SH3TC1: variants seen among roughly 807,000 people sequenced by gnomAD.
The protein encoded by SH3TC1 is SH3 domain and tetratricopeptide repeats 1.
Under a neutral mutation model 117.3 loss-of-function variants are expected in SH3TC1, and 135 were observed. That is an observed-to-expected ratio of 1.15 (90% CI 1.00 to 1.33). The LOEUF (loss-of-function observed/expected upper bound fraction) is 1.33, where lower values mean the gene tolerates loss of function less well. Ranked by LOEUF, SH3TC1 falls within the 40% of genes most tolerant of loss-of-function variation. The pLI, the probability that SH3TC1 is intolerant of heterozygous loss-of-function variation, is 0.00. For synonymous variants in SH3TC1, 898 were observed against 816.9 expected, an observed-to-expected ratio of 1.10 and a Z score of -1.69; for missense variants, 2,092 against 1,794.3, an observed-to-expected ratio of 1.17 and a Z score of -3.00.
intron 14 of SH3TC1, among the ~76,000 whole-genome samples, chr4:8,234,501 ATCCAT>A (rs752359495): frequency 7.7e-4 from 115 of 149,142 alleles, no homozygotes; most frequent in Admixed American, 2.8e-3. Flanking sequence ...CCACCCATCC[ATCCAT>A]TCATCTGTCC....
chr4:8,219,243 C>T (rs933021686), intron 8 of SH3TC1, 92 bp from the exon 9 acceptor site: 5 of 1,289,260 alleles, frequency 3.9e-6, no homozygotes, highest in Non-Finnish European at 4.2e-6. Flanking sequence ...GATGAATTCC[C>T]CATGGTTCAG....
intron 15 of SH3TC1, 103 bp downstream of exon 15, chr4:8,235,658 C>G (rs536472060): frequency 7.1e-7 from 1 of 1,410,430 alleles, no homozygotes; most frequent in African/African-American, 1.4e-5. Flanking sequence ...GGAGGCAGGG[C>G]CGCCCATGCA....
At chr4:8,232,676 G>A (rs1560112073) in intron 13 of SH3TC1, 7 of 1,291,546 alleles carry the variant, frequency 5.4e-6, no homozygotes, top group Non-Finnish European at 7.1e-6. Context: ...ACCTGGTGGG[G>A]TAACCATGGC....
At chr4:8,233,900 CCATCCATCCATCATT>C (rs1721505060) in intron 14 of SH3TC1, among the ~76,000 whole-genome samples, 1 of 150,904 alleles carries the variant, frequency 6.6e-6, no homozygotes. Context: ...CATCCATCAT[CCATCCATCCATCATT>C]CATCCACTCT....
At chr4:8,221,099 T>A (rs1004216529) in intron 9 of SH3TC1, among the ~76,000 whole-genome samples, 1 of 152,242 alleles carries the variant, frequency 6.6e-6, no homozygotes, top group Non-Finnish European at 1.5e-5. Flanking sequence ...ACAACCCTGT[T>A]TGCTTTTGGC....
At chr4:8,200,606 C>T (rs1349328503) in intron 1 of SH3TC1, among the ~76,000 whole-genome samples, 2 of 152,208 alleles carry the variant, frequency 1.3e-5, no homozygotes, top group Admixed American at 6.5e-5. Context: ...GTGACGATGG[C>T]CGCACAACAC....
At chr4:8,208,373 T>C (rs1337636118) in intron 2 of SH3TC1, among the ~76,000 whole-genome samples, 2 of 149,016 alleles carry the variant, frequency 1.3e-5, no homozygotes, top group African/African-American at 5.0e-5. Context: ...TTCTTTCTTT[T>C]TTTTTATTTT....
chr4:8,235,597 G>T lies in SH3TC1; in HGVS notation c.3405+42G>T, dbSNP rs747251687. The stretch of plus-strand genomic sequence containing the variant: ...GCTGATGTGGGTGGGCCCCAGGGGG[G>T]GCACCTTGAGGGCTGAGGCACAGGT... On this transcript the variant is annotated intron_variant, in intron 15 of 17. Coordinates refer to ENST00000245105, the MANE Select transcript of SH3TC1 (RefSeq NM_018986.5). 13 of 1,519,384 alleles carry T rather than the reference G, an allele frequency of 8.6e-6. No individual in the cohort carries two copies. In the South Asian group the frequency reaches 1.7e-4, roughly 20 times the overall value. The allele number at this position is 1,519,384 out of a possible 1,614,324, so 94.1% of individuals were successfully genotyped here. A position where few individuals can be genotyped will look rare whatever the true frequency, so the allele number is the denominator to read the frequency against.
intron 16 of SH3TC1, 58 bp from the exon 17 acceptor site, chr4:8,237,416 T>C (rs1017982954): frequency 3.0e-6 from 4 of 1,349,730 alleles, no homozygotes; most frequent in Non-Finnish European, 2.9e-6. Flanking sequence ...TGCCGGGGTC[T>C]GCATGCCTGC....
At position 8,227,511 on chromosome 4, in the gene SH3TC1, A is replaced by G. The variant is rs1561708141; in HGVS notation, c.1817A>G (p.Asn606Ser). The change falls in exon 12 of 18, where the codon AAC becomes AGC. Residue 606 changes from asparagine to serine, a missense_variant. Transcript: ENST00000245105. ...TTCCTAGTGGTGGCTGTGTACGCCA[A>G]CCTGGCCAGCATTTACCGGAAGCAG... ...DLFLVVAVYANLASIYRKQKN... is the reference protein window; with the variant it reads ...DLFLVVAVYASLASIYRKQKN... The G allele has an allele frequency of 6.4e-7, 1 of 1,550,396 alleles. No homozygotes were observed. The highest frequency in any genetic ancestry group is 2.1e-5 in the Admixed American group (1 of 47,930).
rs1158732225 is a variant in SH3TC1 at position 8,216,116 on chromosome 4, A to C, written c.487A>C (p.Thr163Pro). 2 of 1,612,810 alleles carry C rather than the reference A, an allele frequency of 1.2e-6. No homozygotes were observed. The highest frequency in any genetic ancestry group is 2.7e-5 in the African/African-American group (2 of 74,856). Reference sequence around the variant, plus strand: ...ACTGGGCCTGGCCTCCACAGGCTTCACTCATCACTGCCTGGCAAACCTGCT... The same window carrying C: ...ACTGGGCCTGGCCTCCACAGGCTTCCCTCATCACTGCCTGGCAAACCTGCT... The part of the protein sequence containing the change: ...KFSTYHALGF[T>P]HHCLANLLMD... The change falls in exon 6 of 18, where the codon ACT becomes CCT. Residue 163 changes from threonine to proline, a missense_variant. Transcript: ENST00000245105.
intron 13 of SH3TC1, 29 bp downstream of exon 13, chr4:8,232,185 C>A: frequency 1.6e-5 from 5 of 312,644 alleles, no homozygotes; most frequent in Non-Finnish European, 2.1e-5. Flanking sequence ...GTGGTGGGGG[C>A]GGGGGGAGGG....
rs1717454710 is a variant in SH3TC1, at chr4:8,192,739, G to C, written c.-57+10529G>C. Among the ~76,000 whole-genome samples the C allele has an allele frequency of 6.6e-6, 1 of 151,780 alleles. No homozygotes were observed. Among genetic ancestry groups the C allele is most frequent in the Admixed American group, 6.6e-5 (1 of 15,234 alleles). ...AAACTCCTGACCTCGTGATCCACCT[G>C]CCTTGGTCTCCCTAAGTGCTGGGAT... On this transcript the variant is annotated intron_variant, in intron 1 of 16. Transcript: ENST00000508641. The surrounding 1 kb of genome is among the most constrained non-coding windows in gnomAD (Gnocchi z 4.1).
intron 3 of SH3TC1, among the ~76,000 whole-genome samples, chr4:8,212,109 G>C (rs918368320): frequency 1.3e-5 from 2 of 152,112 alleles, no homozygotes; most frequent in African/African-American, 4.8e-5. Flanking sequence ...TCATTGATCC[G>C]AGCAGGGGTG....
At chr4:8,207,239 G>C (rs79823401) in intron 2 of SH3TC1, among the ~76,000 whole-genome samples, 2 of 152,156 alleles carry the variant, frequency 1.3e-5, no homozygotes, top group African/African-American at 4.8e-5. Context: ...ATTTCTTCAC[G>C]ATCACATTAG....
intron 1 of SH3TC1, among the ~76,000 whole-genome samples, chr4:8,202,828 G>A (rs1717930027): frequency 1.3e-5 from 2 of 152,314 alleles, no homozygotes; most frequent in African/African-American, 4.8e-5. Flanking sequence ...CTATTCTGTC[G>A]AAATTCCCAA....
chr4:8,215,040 C>T (rs186935960), intron 5 of SH3TC1: 14 of 430,246 alleles, frequency 3.3e-5, no homozygotes, highest in South Asian at 8.2e-5. Flanking sequence ...CACTGGTGTG[C>T]GCACCTGGTG....
At chr4:8,187,743 G>T (rs951653178) in intron 1 of SH3TC1, among the ~76,000 whole-genome samples, 3 of 152,054 alleles carry the variant, frequency 2.0e-5, no homozygotes, top group African/African-American at 7.2e-5. Context: ...GTAGAGACGG[G>T]GTTTCACCAT....
chr4:8,216,366 T>C, intron 6 of SH3TC1, 109 bp downstream of exon 6: 1 of 1,465,200 alleles, frequency 6.8e-7, no homozygotes, highest in Non-Finnish European at 9.1e-7. Context: ...GGCTGTGGGC[T>C]GCGGAGCCTC....
Sources: gnomAD v4.1 joint callset for allele counts (sites outside exome capture counted in the v4.1 genomes callset) on GRCh38, gnomAD v4.1.1 for gene constraint, Gnocchi (gnomAD v3.1) non-coding constraint, MANE v1.5 for transcripts, NCBI Gene and HGNC (gene_info 2026-07-23, HGNC 2026-07-21) for gene names.